THRAP3: variants seen among roughly 807,000 people sequenced by gnomAD.
The protein encoded by THRAP3 is thyroid hormone receptor associated protein 3.
Under a neutral mutation model 101.0 loss-of-function variants are expected in THRAP3, and 16 were observed. The ratio of observed to expected loss-of-function variants is 0.16; its 90% confidence interval spans 0.11 to 0.24. The LOEUF (loss-of-function observed/expected upper bound fraction) is 0.24, where lower values mean the gene tolerates loss of function less well. THRAP3 is among the 10% of genes least tolerant of loss of function. The pLI, the probability that THRAP3 is intolerant of heterozygous loss-of-function variation, is 1.00. For synonymous variants in THRAP3, 407 were observed against 422.6 expected (o/e 0.96, Z 0.45); for missense variants, 989 against 1,202.7 (o/e 0.82, Z 2.63).
intron 3 of THRAP3, among the ~76,000 whole-genome samples, chr1:36,285,749 G>T (rs956571604): frequency 6.6e-6 from 1 of 152,308 alleles, no homozygotes; most frequent in South Asian, 2.1e-4. Flanking sequence ...TTGCTTATGT[G>T]ATTTTAGTAA....
At chr1:36,302,323 C>T (rs964728107) in intron 11 of THRAP3, among the ~76,000 whole-genome samples, 1 of 152,258 alleles carries the variant, frequency 6.6e-6, no homozygotes, top group Non-Finnish European at 1.5e-5. Flanking sequence ...ATCTCCATCA[C>T]TTGCCAAAAT....
At chr1:36,218,660 T>C in the THRAP3 span, among the ~76,000 whole-genome samples, 1 of 148,506 alleles carries the variant, frequency 6.7e-6, no homozygotes, top group Admixed American at 6.7e-5. Context: ...AGGCAGAGCT[T>C]GCAGTGAGCC....
Position 36,301,036 on chromosome 1 carries a change from C to T in THRAP3, c.2454C>T (p.Asp818=). ...ACAAATCAAGACTGGGGACCAAAGA[C>T]TTTGTGGGTCCAAGTGAAAGAGGAG... The part of the protein sequence containing the change: ...GFDKSRLGTK[D]FVGPSERGGG... The change falls in exon 10 of 12, where the codon GAC becomes GAT. Residue 818 remains aspartate, a synonymous_variant. Transcript: ENST00000354618. 1 of 1,614,186 alleles carries T rather than the reference C, an allele frequency of 6.2e-7. No individual in the cohort carries two copies.
intron 1 of THRAP3, among the ~76,000 whole-genome samples, chr1:36,243,771 C>T (rs1480254317): frequency 4.9e-5 from 7 of 143,852 alleles, no homozygotes; most frequent in Non-Finnish European, 9.2e-5. Flanking sequence ...CCAGTAGGGG[C>T]GGCCGGGCAG....
chr1:36,277,462 C>T (rs534171061), intron 2 of THRAP3, among the ~76,000 whole-genome samples: 2 of 151,194 alleles, frequency 1.3e-5, no homozygotes, highest in African/African-American at 2.4e-5. Flanking sequence ...AGTCTCCCAA[C>T]GTGCTGGGAT....
At chr1:36,252,042 C>T (rs1645307774) in intron 1 of THRAP3, among the ~76,000 whole-genome samples, 1 of 152,126 alleles carries the variant, frequency 6.6e-6, no homozygotes, top group African/African-American at 2.4e-5. Context: ...AGTTGCTGGG[C>T]ATAAATATTA....
chr1:36,298,846 C>T (rs1447581309), intron 9 of THRAP3, among the ~76,000 whole-genome samples: 5 of 152,060 alleles, frequency 3.3e-5, no homozygotes, highest in Middle Eastern at 3.4e-3. Context: ...CAGGCTGGAG[C>T]GCAGTGATGC....
At chr1:36,232,927 T>C (rs1299016042) in intron 1 of THRAP3, among the ~76,000 whole-genome samples, 2 of 92,600 alleles carry the variant, frequency 2.2e-5, no homozygotes, top group African/African-American at 6.3e-5. Context: ...CAGGCTGGAG[T>C]GCTGTGGCGC....
intron 2 of THRAP3, among the ~76,000 whole-genome samples, chr1:36,261,312 C>G (rs183101090): frequency 4.5e-4 from 68 of 152,208 alleles, no homozygotes; most frequent in African/African-American, 1.6e-3. Context: ...GCGGGCAGAT[C>G]ACGAGGTCAG....
chr1:36,221,958 C>G (rs1457244572), upstream of THRAP3, among the ~76,000 whole-genome samples: 1 of 151,968 alleles, frequency 6.6e-6, no homozygotes, highest in Non-Finnish European at 1.5e-5. Flanking sequence ...TACAGGTGCC[C>G]GCCAGCATGC....
At chr1:36,275,520 G>A (rs561603517) in intron 2 of THRAP3, among the ~76,000 whole-genome samples, 24 of 147,370 alleles carry the variant, frequency 1.6e-4, no homozygotes, top group African/African-American at 5.8e-4. Flanking sequence ...CCAGGAGGCG[G>A]AGCTTGCAGT....
In THRAP3 at chr1:36,287,065, A is replaced by C; in HGVS notation, c.835A>C (p.Ser279Arg). Residue 279 changes from serine (S) to arginine (R), a missense_variant, in exon 4 of 12, where the codon AGC becomes CGC. Coordinates refer to ENST00000354618, the MANE Select transcript of THRAP3 (RefSeq NM_005119.4). ...GCCAAAACCTAGTCCTCCACTTTCCAGCACATCCCAGATGGGCTCAACTCT... is the reference window on the plus strand; with the variant it reads ...GCCAAAACCTAGTCCTCCACTTTCCCGCACATCCCAGATGGGCTCAACTCT... ...PVPKPSPPLS[S>R]TSQMGSTLPS... The C allele has an allele frequency of 6.2e-7, 1 of 1,613,768 alleles. No individual in the cohort carries two copies. The highest frequency in any genetic ancestry group is 1.1e-5 in the South Asian group (1 of 91,054).
intron 1 of THRAP3, among the ~76,000 whole-genome samples, chr1:36,232,905 C>CA (rs1219912505): frequency 1.5e-5 from 2 of 131,252 alleles, no homozygotes; most frequent in African/African-American, 5.3e-5. Context: ...GAGACAGTCT[C>CA]ACTCTGTTGC....
chr1:36,280,421 A>G (rs987534281), intron 2 of THRAP3, among the ~76,000 whole-genome samples: 24 of 152,234 alleles, frequency 1.6e-4, no homozygotes, highest in African/African-American at 5.5e-4. Flanking sequence ...CTCTGAAGAA[A>G]CAAATAAGAT....
chr1:36,245,153 A>T (rs913936689), intron 1 of THRAP3, among the ~76,000 whole-genome samples: 1 of 137,360 alleles, frequency 7.3e-6, no homozygotes, highest in Non-Finnish European at 1.6e-5. Flanking sequence ...TGCATGTGAC[A>T]CCCCCATCCC....
intron 1 of THRAP3, among the ~76,000 whole-genome samples, chr1:36,249,482 C>T (rs1415145587): frequency 2.0e-5 from 3 of 151,958 alleles, no homozygotes. Flanking sequence ...TGAGCCACTG[C>T]CCCCAGCCCC....
chr1:36,221,999 C>T (rs568353493), upstream of THRAP3, among the ~76,000 whole-genome samples: 1 of 151,762 alleles, frequency 6.6e-6, no homozygotes, highest in Admixed American at 6.6e-5. Flanking sequence ...TTAGTAGAGA[C>T]CAGGGTTTCA....
intron 1 of THRAP3, among the ~76,000 whole-genome samples, chr1:36,243,290 G>C (rs1267593835): frequency 6.6e-6 from 1 of 151,702 alleles, no homozygotes; most frequent in Non-Finnish European, 1.5e-5. Flanking sequence ...GGGAAGGTCA[G>C]CAGATAAACA....
intron 1 of THRAP3, among the ~76,000 whole-genome samples, chr1:36,241,211 A>G (rs1645152272): frequency 7.7e-6 from 1 of 129,372 alleles, no homozygotes; most frequent in Non-Finnish European, 1.7e-5. Flanking sequence ...AAAAAAAAAG[A>G]TTTTTACTTT....
Sources: allele counts gnomAD v4.1 joint callset (sites outside exome capture counted in the v4.1 genomes callset), GRCh38; gene constraint gnomAD v4.1.1; transcripts MANE v1.5; gene names NCBI Gene and HGNC (gene_info 2026-07-23, HGNC 2026-07-21).